The following ADGRB3 variants were observed in gnomAD, a reference collection of about 807,000 sequenced individuals.
The protein encoded by ADGRB3 is brain-specific angiogenesis inhibitor 3.
ADGRB3 carries 37 observed loss-of-function variants against 193.4 expected under a neutral mutation model. The ratio of observed to expected loss-of-function variants is 0.19; its 90% CI spans 0.15 to 0.25. ADGRB3 has a LOEUF of 0.25. Ranked by LOEUF, ADGRB3 falls within the 10% of genes least tolerant of loss-of-function variation. The pLI is 1.00. For synonymous variants in ADGRB3, 690 were observed against 644.2 expected (o/e 1.07, Z -1.08); for missense variants, 1,637 against 1,852.9 (o/e 0.88, Z 2.14).
chr6:68,974,058 G>A (rs185922067), intron 8 of ADGRB3, among the ~76,000 whole-genome samples: 19 of 152,124 alleles, frequency 1.2e-4, no homozygotes, highest in South Asian at 2.1e-4. Flanking sequence ...AAAAAGTTAC[G>A]TATTTTTACT....
chr6:69,133,796 T>A (rs1456854600), intron 17 of ADGRB3, among the ~76,000 whole-genome samples: 1 of 152,012 alleles, frequency 6.6e-6, no homozygotes, highest in Non-Finnish European at 1.5e-5. Context: ...ACCCAAGCAG[T>A]GTACTGTACC....
intron 3 of ADGRB3, among the ~76,000 whole-genome samples, chr6:68,844,540 G>C (rs897898010): frequency 1.4e-4 from 22 of 152,162 alleles, no homozygotes; most frequent in African/African-American, 5.3e-4. Context: ...CTGAACTGTT[G>C]GTGGGAATGT....
chr6:68,815,362 A>T (rs901233841), intron 3 of ADGRB3, among the ~76,000 whole-genome samples: 3 of 152,154 alleles, frequency 2.0e-5, no homozygotes, highest in African/African-American at 7.2e-5. Flanking sequence ...TACAGTATTG[A>T]CGTGATTAGT....
rs1768407675 is a variant in ADGRB3 at position 69,319,878 on chromosome 6, T to C, written c.2815-4994T>C. ...TTTTTTCATCCAATATGAAAGTTTC[T>C]AGCTTTTAACAAGTAAATACAAAGT... On this transcript the variant is annotated intron_variant, in intron 20 of 31. Transcript: ENST00000370598. Among the ~76,000 whole-genome samples the C allele has an allele frequency of 2.0e-5, 3 of 151,508 alleles. No individual in the cohort carries two copies. In the Admixed American group the frequency reaches 2.0e-4, roughly 10 times the overall value.
chr6:69,076,722 T>C (rs543805656), intron 17 of ADGRB3, among the ~76,000 whole-genome samples: 23 of 152,188 alleles, frequency 1.5e-4, no homozygotes, highest in African/African-American at 5.3e-4. Flanking sequence ...TCCTATACTT[T>C]AAATACTTGT....
intron 3 of ADGRB3, among the ~76,000 whole-genome samples, chr6:68,663,703 C>A (rs1442151938): frequency 6.6e-6 from 1 of 151,772 alleles, no homozygotes; most frequent in Non-Finnish European, 1.5e-5. Flanking sequence ...TTTAAAGTGG[C>A]AGAAATTCTA....
chr6:68,958,098 G>T (rs1029083000), intron 8 of ADGRB3, among the ~76,000 whole-genome samples: 7 of 152,140 alleles, frequency 4.6e-5, no homozygotes, highest in Non-Finnish European at 8.8e-5. Context: ...CTACGCAGGA[G>T]GCTGAGGAAG....
At chr6:69,261,537 CAA>C (rs1766928744) in intron 20 of ADGRB3, among the ~76,000 whole-genome samples, 1 of 151,894 alleles carries the variant, frequency 6.6e-6, no homozygotes, top group Admixed American at 6.6e-5. Flanking sequence ...TAAAATTATT[CAA>C]GTGTTTGATA....
At chr6:69,282,980 G>A (rs774882246) in intron 20 of ADGRB3, among the ~76,000 whole-genome samples, 1 of 152,056 alleles carries the variant, frequency 6.6e-6, no homozygotes, top group Non-Finnish European at 1.5e-5. Flanking sequence ...AGACAGGATG[G>A]ATAGAAAATA....
intron 17 of ADGRB3, among the ~76,000 whole-genome samples, chr6:69,088,935 GT>G (rs1053525416): frequency 6.6e-6 from 1 of 152,176 alleles, no homozygotes; most frequent in Non-Finnish European, 1.5e-5. Flanking sequence ...TTCTTAATTT[GT>G]TCTGCTAAAT....
chr6:69,181,916 T>A (rs1002990059), intron 17 of ADGRB3, among the ~76,000 whole-genome samples: 1 of 152,208 alleles, frequency 6.6e-6, no homozygotes, highest in African/African-American at 2.4e-5. Context: ...TAGTTAGCAT[T>A]GTTTCCAATA....
At chr6:68,652,817 T>G (rs1191075390) in intron 3 of ADGRB3, among the ~76,000 whole-genome samples, 2 of 152,126 alleles carry the variant, frequency 1.3e-5, no homozygotes, top group Non-Finnish European at 2.9e-5. Context: ...TATGCTTAAT[T>G]CCTTTGGTGT....
intron 3 of ADGRB3, among the ~76,000 whole-genome samples, chr6:68,829,380 G>A (rs566726368): frequency 1.8e-4 from 28 of 152,062 alleles, no homozygotes; most frequent in Middle Eastern, 3.4e-3. Context: ...GGGAATACAA[G>A]CATGAGCCAC....
chr6:68,681,024 C>G (rs1348180878), intron 3 of ADGRB3, among the ~76,000 whole-genome samples: 3 of 152,066 alleles, frequency 2.0e-5, no homozygotes, highest in Admixed American at 1.3e-4. Context: ...ATAAGTATCT[C>G]TTTTTGGTAA....
At chr6:69,070,151 C>A (rs530086018) in intron 16 of ADGRB3, among the ~76,000 whole-genome samples, 45 of 152,204 alleles carry the variant, frequency 3.0e-4, no homozygotes, top group Non-Finnish European at 5.7e-4. Context: ...AGCTGCCTTG[C>A]CTATTTACTT....
At chr6:69,330,434 G>T (rs1030844762) in intron 22 of ADGRB3, 72 bp from the exon 23 acceptor site, 12 of 1,165,256 alleles carry the variant, frequency 1.0e-5, no homozygotes, top group Non-Finnish European at 1.5e-5. Flanking sequence ...AATCTAAGTT[G>T]TTTGTATCAC....
At chr6:69,007,693 TCA>T (rs764934080) in intron 11 of ADGRB3, among the ~76,000 whole-genome samples, 19,855 of 89,374 alleles carry the variant, frequency 0.22, 1,728 homozygotes, top group East Asian at 0.49. Context: ...TCTCTCTCTC[TCA>T]CACACACACA....
chr6:69,228,208 G>C (rs1398722556), intron 17 of ADGRB3, among the ~76,000 whole-genome samples: 1 of 152,196 alleles, frequency 6.6e-6, no homozygotes, highest in Non-Finnish European at 1.5e-5. Context: ...AGTGAGTCGA[G>C]ATTGCACCAC....
At chr6:69,148,169 T>C (rs1043524284) in intron 17 of ADGRB3, among the ~76,000 whole-genome samples, 3 of 145,646 alleles carry the variant, frequency 2.1e-5, no homozygotes, top group Non-Finnish European at 4.4e-5. Context: ...CTGCTATTTG[T>C]TATTTGTTTT....
Sources: gnomAD v4.1 joint callset for allele counts (sites outside exome capture counted in the v4.1 genomes callset) on GRCh38, gnomAD v4.1.1 for gene constraint, MANE v1.5 for transcripts, NCBI Gene and HGNC (gene_info 2026-07-23, HGNC 2026-07-21) for gene names.